The following CERS3 variants were observed in gnomAD, a reference collection of about 807,000 sequenced individuals.
The protein encoded by CERS3 is ceramide synthase 3.
In CERS3, 33 loss-of-function variants were observed where a neutral mutation model predicts 50.3. The observed-to-expected ratio is 0.66, with a 90% confidence interval of 0.50 to 0.88. The LOEUF is 0.88. Among genes scored for constraint, CERS3 ranks in the 40% least tolerant of loss-of-function variants. CERS3 has a pLI of 0.00. For missense variants in CERS3, 470 were observed against 460.3 expected (o/e 1.02, Z -0.19); for synonymous variants, 176 against 155.2 (o/e 1.13, Z -0.99).
intron 5 of CERS3, among the ~76,000 whole-genome samples, chr15:100,483,849 C>T (rs909100056): frequency 2.2e-5 from 3 of 139,094 alleles, no homozygotes; most frequent in Admixed American, 7.5e-5. Context: ...GGCGGGATCT[C>T]GGCTCACTGC....
intron 2 of CERS3, among the ~76,000 whole-genome samples, chr15:100,511,339 T>C (rs1408161446): frequency 6.6e-6 from 1 of 152,070 alleles, no homozygotes; most frequent in Non-Finnish European, 1.5e-5. Context: ...CACTACAGAC[T>C]GGGAGAAAAT....
intron 11 of CERS3, among the ~76,000 whole-genome samples, chr15:100,434,270 A>G (rs2033286615): frequency 6.6e-6 from 1 of 152,210 alleles, no homozygotes; most frequent in Non-Finnish European, 1.5e-5. Context: ...CCACGCGAAG[A>G]GTGCGTGCCC....
intron 1 of CERS3, among the ~76,000 whole-genome samples, chr15:100,540,152 C>T (rs1567693884): frequency 1.3e-5 from 2 of 152,178 alleles, no homozygotes. Context: ...TTGGTTGAGC[C>T]CACTGGCTAT....
chr15:100,461,684 A>G (rs1178620741), intron 10 of CERS3, among the ~76,000 whole-genome samples: 1 of 152,186 alleles, frequency 6.6e-6, no homozygotes, highest in East Asian at 1.9e-4. Flanking sequence ...AGTTAGAGCA[A>G]CACCCCCCAA....
chr15:100,504,646 AC>A (rs2036120570), intron 2 of CERS3, among the ~76,000 whole-genome samples: 1 of 152,208 alleles, frequency 6.6e-6, no homozygotes, highest in Non-Finnish European at 1.5e-5. Context: ...AAGATAATCA[AC>A]AAAGACTTAG....
At chr15:100,511,145 C>T (rs557360781) in intron 2 of CERS3, among the ~76,000 whole-genome samples, 21 of 152,092 alleles carry the variant, frequency 1.4e-4, no homozygotes, top group South Asian at 6.2e-4. Flanking sequence ...AAAAATTACC[C>T]GGGCGTGGTG....
intron 3 of CERS3, among the ~76,000 whole-genome samples, chr15:100,497,165 CAG>C (rs144234099): frequency 0.015 from 2,341 of 151,970 alleles, 62 homozygotes; most frequent in African/African-American, 0.054. Context: ...CAGAACACGA[CAG>C]AGAGGGGAAT....
intron 3 of CERS3, among the ~76,000 whole-genome samples, chr15:100,494,348 T>C (rs2035748826): frequency 6.7e-6 from 1 of 149,954 alleles, no homozygotes. Flanking sequence ...CCCAGGTTCA[T>C]GCCATTCTCC....
chr15:100,541,936 A>G (rs772848287), intron 1 of CERS3, among the ~76,000 whole-genome samples: 2 of 152,204 alleles, frequency 1.3e-5, no homozygotes, highest in Admixed American at 1.3e-4. Flanking sequence ...AAAATGGGAT[A>G]CTAGTCATTT....
chr15:100,424,077 G>A (rs1364010741), intron 11 of CERS3, among the ~76,000 whole-genome samples: 1 of 151,980 alleles, frequency 6.6e-6, no homozygotes, highest in Non-Finnish European at 1.5e-5. Flanking sequence ...AGGTAGCTTG[G>A]ATTACAGGTA....
chr15:100,410,883 A>G (rs1435971387), intron 11 of CERS3, among the ~76,000 whole-genome samples: 1 of 148,314 alleles, frequency 6.7e-6, no homozygotes, highest in Non-Finnish European at 1.5e-5. Flanking sequence ...TACATTCATA[A>G]TTCTGTGTAA....
At chr15:100,503,147 T>C (rs1362760190) in intron 2 of CERS3, among the ~76,000 whole-genome samples, 1 of 152,178 alleles carries the variant, frequency 6.6e-6, no homozygotes, top group African/African-American at 2.4e-5. Context: ...GGAATCAAAA[T>C]GTCCTCAGAT....
intron 11 of CERS3, among the ~76,000 whole-genome samples, chr15:100,445,242 A>G (rs2033884802): frequency 7.9e-6 from 1 of 126,112 alleles, no homozygotes; most frequent in African/African-American, 2.9e-5. Flanking sequence ...TGTCATCCCT[A>G]CTATCTCCTG....
At chr15:100,489,466 A>C (rs1301140117) in intron 4 of CERS3, among the ~76,000 whole-genome samples, 1 of 152,168 alleles carries the variant, frequency 6.6e-6, no homozygotes, top group Non-Finnish European at 1.5e-5. Flanking sequence ...TTTCTAGATA[A>C]TTTTAAATAT....
Position 100,473,008 on chromosome 15 carries a change from C to A in CERS3, c.654G>T (p.Leu218=). 1 of 1,613,888 alleles carries A rather than the reference C, an allele frequency of 6.2e-7. No homozygotes were observed. The highest frequency in any genetic ancestry group is 8.5e-7 in the Non-Finnish European group (1 of 1,179,904). ...HIIHHLAAIS[L]MSFSWCANYI... ...AATTAGCACACCAAGAGAAGCTCAT[C>A]AGACTAATAGCAGCCAGGTGGTGGA... The change falls in exon 9 of 12, where the codon CTG becomes CTT. Residue 218 remains leucine, a synonymous_variant. Transcript: ENST00000679737.
intron 3 of CERS3, 148 bp downstream of exon 3, chr15:100,501,529 A>C: frequency 1.6e-6 from 1 of 635,674 alleles, no homozygotes; most frequent in Non-Finnish European, 2.7e-6. Flanking sequence ...GCATCTGATT[A>C]CATTAACTCA....
intron 11 of CERS3, among the ~76,000 whole-genome samples, chr15:100,445,414 C>T (rs889612520): frequency 2.5e-4 from 38 of 152,286 alleles, no homozygotes; most frequent in African/African-American, 7.7e-4. Context: ...ATAATTTTTG[C>T]GGGCAAGGCT....
At chr15:100,439,587 C>G (rs556189141) in intron 11 of CERS3, among the ~76,000 whole-genome samples, 1 of 152,324 alleles carries the variant, frequency 6.6e-6, no homozygotes, top group South Asian at 2.1e-4. Flanking sequence ...GCATTAAATG[C>G]TAAACGCTGA....
At chr15:100,514,529 A>T (rs558970243) in intron 2 of CERS3, among the ~76,000 whole-genome samples, 382 of 152,326 alleles carry the variant, frequency 2.5e-3, no homozygotes, top group Non-Finnish European at 4.1e-3. Flanking sequence ...TTTGAAAGCT[A>T]CAGTTAATAA....
Sources: gnomAD v4.1 joint callset for allele counts (sites outside exome capture counted in the v4.1 genomes callset) on GRCh38, gnomAD v4.1.1 for gene constraint, MANE v1.5 for transcripts, NCBI Gene and HGNC (gene_info 2026-07-23, HGNC 2026-07-21) for gene names.